The following FBXO28 variants were observed in gnomAD, a reference collection of about 807,000 sequenced individuals.
FBXO28 encodes the protein F-box only protein 28.
In FBXO28, 8 loss-of-function variants were observed where a neutral mutation model predicts 38.1. That is an observed-to-expected ratio of 0.21 (90% confidence interval 0.12 to 0.38). The LOEUF is 0.38. Ranked by LOEUF, FBXO28 falls within the 10% of genes least tolerant of loss-of-function variation. The pLI, the probability that FBXO28 is intolerant of heterozygous loss-of-function variation, is 1.00. For synonymous variants in FBXO28, 168 were observed against 173.8 expected (o/e 0.97, Z 0.26); for missense variants, 345 against 460.6 (o/e 0.75, Z 2.30).
chr1:224,119,355 T>C (rs1048711650), intron 1 of FBXO28, among the ~76,000 whole-genome samples: 2 of 151,772 alleles, frequency 1.3e-5, no homozygotes, highest in Admixed American at 6.6e-5. Flanking sequence ...GCCAGGATGG[T>C]CTCGATCTCC....
chr1:224,136,578 A>C (rs1431129367), intron 3 of FBXO28, among the ~76,000 whole-genome samples: 3 of 148,004 alleles, frequency 2.0e-5, no homozygotes, highest in Non-Finnish European at 4.4e-5. Context: ...AAAAAAAAAA[A>C]CTAGCTGGGC....
At chr1:224,148,523 G>A (rs538227399) in intron 3 of FBXO28, among the ~76,000 whole-genome samples, 1 of 151,954 alleles carries the variant, frequency 6.6e-6, no homozygotes, top group South Asian at 2.1e-4. Flanking sequence ...TTCGCCAGGT[G>A]TGGTGGCGGG....
At chr1:224,142,647 C>G (rs1250857233) in intron 3 of FBXO28, among the ~76,000 whole-genome samples, 1 of 152,010 alleles carries the variant, frequency 6.6e-6, no homozygotes, top group Non-Finnish European at 1.5e-5. Flanking sequence ...GAAGCCCTGT[C>G]TCTACTAAAA....
intron 3 of FBXO28, among the ~76,000 whole-genome samples, chr1:224,140,385 G>C (rs528211380): frequency 6.6e-6 from 1 of 152,176 alleles, no homozygotes; most frequent in Non-Finnish European, 1.5e-5. Context: ...TCTTATATCT[G>C]GAACAGTTCC....
intron 1 of FBXO28, among the ~76,000 whole-genome samples, chr1:224,121,320 C>T (rs1482706546): frequency 6.6e-6 from 1 of 152,154 alleles, no homozygotes. Context: ...AATTGTTATA[C>T]TTAGACTGAA....
chr1:224,138,319 T>C (rs1558192085), intron 3 of FBXO28, among the ~76,000 whole-genome samples: 1 of 151,806 alleles, frequency 6.6e-6, no homozygotes, highest in Non-Finnish European at 1.5e-5. Flanking sequence ...TTTATAAATA[T>C]TTTTGGCCCT....
At chr1:224,132,461 A>G (rs938987604) in intron 2 of FBXO28, among the ~76,000 whole-genome samples, 2 of 152,212 alleles carry the variant, frequency 1.3e-5, no homozygotes, top group Non-Finnish European at 2.9e-5. Flanking sequence ...TGGAACCTTC[A>G]TATATCAATG....
rs567555532 is a variant in FBXO28 at position 224,119,295 on chromosome 1, G to A, written c.267+4899G>A. 4.0e-5 allele frequency among the ~76,000 whole-genome samples: 6 copies of A among 151,024 alleles called. No individual in the cohort carries two copies. The South Asian group carries it at 6.3e-4, about 16-fold the overall frequency. On this transcript the variant is annotated intron_variant, in intron 1 of 4. Transcript: ENST00000366862. ...ACTACAGGCACCTGCCACCACGCCC[G>A]GCTAATTTTTTTTTTTTATTTTTAG...
At chr1:224,152,706 G>A (rs1657675746) in intron 3 of FBXO28, among the ~76,000 whole-genome samples, 1 of 151,994 alleles carries the variant, frequency 6.6e-6, no homozygotes, top group Admixed American at 6.6e-5. Flanking sequence ...CGAGGTGGGT[G>A]GATCCTGAGG....
chr1:224,141,566 A>G (rs1657353320), intron 3 of FBXO28, among the ~76,000 whole-genome samples: 1 of 152,200 alleles, frequency 6.6e-6, no homozygotes, highest in Non-Finnish European at 1.5e-5. Context: ...GTGAACATAC[A>G]TCATAGAGTG....
At chr1:224,142,990 G>A (rs112428974) in intron 3 of FBXO28, among the ~76,000 whole-genome samples, 5,858 of 152,122 alleles carry the variant, frequency 0.039, 339 homozygotes, top group African/African-American at 0.13. Flanking sequence ...GGGACAGAAA[G>A]AGACTCTGAA....
chr1:224,132,774 C>T (rs1387499460), intron 2 of FBXO28, among the ~76,000 whole-genome samples: 1 of 149,410 alleles, frequency 6.7e-6, no homozygotes, highest in Non-Finnish European at 1.5e-5. Context: ...CATTGTGCTG[C>T]AGCCTGGGCG....
At chr1:224,152,113 C>G (rs544211009) in intron 3 of FBXO28, among the ~76,000 whole-genome samples, 5 of 151,768 alleles carry the variant, frequency 3.3e-5, no homozygotes, top group Non-Finnish European at 7.4e-5. Flanking sequence ...ATAACCTCAC[C>G]GAGATGAAAG....
intron 3 of FBXO28, among the ~76,000 whole-genome samples, chr1:224,152,473 T>C (rs1487962984): frequency 6.6e-6 from 1 of 152,194 alleles, no homozygotes; most frequent in African/African-American, 2.4e-5. Context: ...TCCTCTAGTG[T>C]CTATAGCAAT....
intron 1 of FBXO28, among the ~76,000 whole-genome samples, chr1:224,126,683 G>A (rs1056563068): frequency 2.2e-4 from 34 of 152,236 alleles, no homozygotes; most frequent in African/African-American, 6.5e-4. Context: ...GGTGGCAGGC[G>A]CCTGTAATCC....
chr1:224,145,572 C>T (rs1657481583), intron 3 of FBXO28, among the ~76,000 whole-genome samples: 1 of 152,122 alleles, frequency 6.6e-6, no homozygotes, highest in East Asian at 1.9e-4. Flanking sequence ...TATGGTTTGT[C>T]ATTGACCATA....
At chr1:224,116,056 G>A (rs1656636782) in intron 1 of FBXO28, among the ~76,000 whole-genome samples, 1 of 152,106 alleles carries the variant, frequency 6.6e-6, no homozygotes, top group Non-Finnish European at 1.5e-5. Context: ...GCCTTTTAAG[G>A]TTATAAATTT....
At position 224,140,578 on chromosome 1, in the gene FBXO28, C is replaced by T. The variant is rs935051857; in HGVS notation, c.516+6366C>T. Among the ~76,000 whole-genome samples the T allele has an allele frequency of 2.0e-5, 3 of 152,108 alleles. No homozygotes were observed. In the East Asian group the frequency reaches 5.8e-4, roughly 29 times the overall value. ...TTAGTTGGGAACATTTCTCCTTTTA[C>T]TATGCTTGTCCCAAAATAAATATAT... On this transcript the variant is annotated intron_variant, in intron 3 of 4. Coordinates refer to ENST00000366862, the MANE Select transcript of FBXO28 (RefSeq NM_015176.4).
chr1:224,146,370 A>G (rs55736782), intron 3 of FBXO28, among the ~76,000 whole-genome samples: 62,716 of 151,812 alleles, frequency 0.41, 13,130 homozygotes, highest in East Asian at 0.56. Context: ...AAAAAGACAG[A>G]TGAAAAATGA....
Sources: gnomAD v4.1 joint callset for allele counts (sites outside exome capture counted in the v4.1 genomes callset) on GRCh38, gnomAD v4.1.1 for gene constraint, MANE v1.5 for transcripts, NCBI Gene and HGNC (gene_info 2026-07-23, HGNC 2026-07-21) for gene names.